Variants in AHI1 observed in about 807,000 individuals in gnomAD.
AHI1 encodes the protein Abelson helper integration site 1, also known as jouberin.
In AHI1, 123 loss-of-function variants were observed where a neutral mutation model predicts 149.3. The observed-to-expected ratio is 0.82, with a 90% CI of 0.71 to 0.96. The LOEUF is 0.96. Ranked by LOEUF, AHI1 falls within the 40% of genes least tolerant of loss-of-function variation. AHI1 has a pLI of 0.00. For synonymous variants in AHI1, 475 were observed against 459.8 expected (o/e 1.03, Z -0.42); for missense variants, 1,439 against 1,422.7 (o/e 1.01, Z -0.18).
chr6:135,323,818 A>G (rs1364529847), intron 24 of AHI1, among the ~76,000 whole-genome samples: 1 of 152,216 alleles, frequency 6.6e-6, no homozygotes, highest in Non-Finnish European at 1.5e-5. Context: ...CTCTACACAC[A>G]TACATATTTT....
intron 26 of AHI1, chr6:135,306,746 C>T (rs113974732): frequency 6.6e-6 from 1 of 152,148 alleles, no homozygotes; most frequent in Non-Finnish European, 1.5e-5. Flanking sequence ...CCCACCAGGC[C>T]TGGGGATTGG....
intron 25 of AHI1, among the ~76,000 whole-genome samples, chr6:135,320,224 T>G (rs1423722903): frequency 2.0e-5 from 3 of 151,342 alleles, no homozygotes. Context: ...TTTTCTAAGT[T>G]TTTTTTTTTT....
At chr6:135,331,582 T>C (rs985592442) in intron 24 of AHI1, among the ~76,000 whole-genome samples, 2 of 152,204 alleles carry the variant, frequency 1.3e-5, no homozygotes, top group African/African-American at 4.8e-5. Context: ...GCCTGGTCAA[T>C]GAAACCAGTG....
At chr6:135,342,483 C>A (rs1268450419) in intron 24 of AHI1, among the ~76,000 whole-genome samples, 1 of 151,656 alleles carries the variant, frequency 6.6e-6, no homozygotes, top group South Asian at 2.1e-4. Flanking sequence ...AATACTGATG[C>A]AAAACCCTCA....
intron 23 of AHI1, among the ~76,000 whole-genome samples, chr6:135,363,898 C>A (rs1336700280): frequency 6.8e-6 from 1 of 146,134 alleles, no homozygotes; most frequent in African/African-American, 2.5e-5. Flanking sequence ...GGGGGCTGAC[C>A]CCCCCCACCT....
At position 135,437,404 on chromosome 6, in the gene AHI1, T is replaced by C. The variant is rs112386278; in HGVS notation, c.2036+971A>G. ...GGCTGTGCTAAAAGAACAGATCAGA[T>C]AGTTTCTTGAGGATATTGTCAAAAA... On this transcript the variant is annotated intron_variant, in intron 15 of 28. Coordinates refer to ENST00000265602, the MANE Select transcript of AHI1 (RefSeq NM_001134831.2). Among the ~76,000 whole-genome samples the C allele has an allele frequency of 9.7e-3, 1,470 of 152,300 alleles. 20 individuals carry two copies. The highest frequency in any genetic ancestry group is 0.033 in the African/African-American group (1,375 of 41,562).
intron 11 of AHI1, among the ~76,000 whole-genome samples, chr6:135,451,575 G>A (rs991398143): frequency 6.6e-6 from 1 of 152,066 alleles, no homozygotes; most frequent in South Asian, 2.1e-4. Flanking sequence ...TAGAAGACGT[G>A]AAGCACATAG....
intron 8 of AHI1, among the ~76,000 whole-genome samples, chr6:135,462,761 T>C (rs1049886914): frequency 1.3e-5 from 2 of 151,794 alleles, no homozygotes; most frequent in Non-Finnish European, 2.9e-5. Context: ...ATTAGCCGGG[T>C]ATGGTGGCAT....
intron 26 of AHI1, among the ~76,000 whole-genome samples, chr6:135,310,336 GC>G (rs1371462938): frequency 6.6e-6 from 1 of 152,106 alleles, no homozygotes; most frequent in African/African-American, 2.4e-5. Context: ...CACATTGAGG[GC>G]AATATATTTA....
chr6:135,392,549 G>C (rs938413288), intron 23 of AHI1, among the ~76,000 whole-genome samples: 3 of 152,050 alleles, frequency 2.0e-5, no homozygotes, highest in African/African-American at 7.2e-5. Context: ...GGCAAATATC[G>C]ACAGATGTGA....
chr6:135,420,219 T>A (rs999439096), intron 20 of AHI1, among the ~76,000 whole-genome samples: 34 of 152,180 alleles, frequency 2.2e-4, no homozygotes, highest in African/African-American at 8.0e-4. Context: ...CTCTTATGAA[T>A]CATGAATGTT....
At chr6:135,413,478 G>GA (rs199726208) in intron 20 of AHI1, among the ~76,000 whole-genome samples, 12,444 of 141,422 alleles carry the variant, frequency 0.088, 1,059 homozygotes, top group African/African-American at 0.23. Flanking sequence ...CTGTATAAAA[G>GA]AAAAAAAAAA....
At chr6:135,471,509 T>C (rs1791684053) in intron 5 of AHI1, among the ~76,000 whole-genome samples, 1 of 152,348 alleles carries the variant, frequency 6.6e-6, no homozygotes, top group Admixed American at 6.5e-5. Flanking sequence ...TGTTAACTTC[T>C]AGTTGTACTG....
intron 23 of AHI1, among the ~76,000 whole-genome samples, chr6:135,386,293 C>T (rs150648000): frequency 0.018 from 2,646 of 148,910 alleles, 39 homozygotes; most frequent in African/African-American, 0.034. Flanking sequence ...ATGTTATCTA[C>T]TATAGAAAAG....
At chr6:135,369,990 A>G (rs1774786834) in intron 23 of AHI1, among the ~76,000 whole-genome samples, 1 of 152,200 alleles carries the variant, frequency 6.6e-6, no homozygotes, top group South Asian at 2.1e-4. Flanking sequence ...CTTGCCTGCT[A>G]ATGCCAACAT....
chr6:135,297,086 T>C (rs982905996), intron 27 of AHI1, among the ~76,000 whole-genome samples: 10 of 152,230 alleles, frequency 6.6e-5, no homozygotes, highest in African/African-American at 2.4e-4. Flanking sequence ...CCTTCCTCTT[T>C]ATGGCAGTAG....
At chr6:135,335,147 A>G (rs1789188504) in intron 24 of AHI1, among the ~76,000 whole-genome samples, 1 of 152,200 alleles carries the variant, frequency 6.6e-6, no homozygotes, top group Non-Finnish European at 1.5e-5. Flanking sequence ...CTGAGTTATT[A>G]GCTTTACTTA....
chr6:135,418,470 CT>C (rs2127990339), intron 20 of AHI1, among the ~76,000 whole-genome samples: 1 of 151,984 alleles, frequency 6.6e-6, no homozygotes, highest in Non-Finnish European at 1.5e-5. Context: ...AAGCTTGGTG[CT>C]TTTGTGTATG....
At chr6:135,393,699 CAA>C (rs1281511485) in intron 23 of AHI1, among the ~76,000 whole-genome samples, 1 of 152,030 alleles carries the variant, frequency 6.6e-6, no homozygotes, top group Non-Finnish European at 1.5e-5. Context: ...CAAAGTAGTT[CAA>C]AGTTAGCTTA....
Sources: allele counts gnomAD v4.1 joint callset (sites outside exome capture counted in the v4.1 genomes callset), GRCh38; gene constraint gnomAD v4.1.1; transcripts MANE v1.5; gene names NCBI Gene and HGNC (gene_info 2026-07-23, HGNC 2026-07-21).